The following C10orf67 variants were observed in gnomAD, a reference collection of about 807,000 sequenced individuals.
The protein encoded by C10orf67 is uncharacterized protein C10orf67, mitochondrial.
In C10orf67, 60 loss-of-function variants were observed where a neutral mutation model predicts 35.6. The observed-to-expected ratio is 1.68, with a 90% CI of 1.37 to 2.09. The LOEUF is 2.09. Ranked by LOEUF, C10orf67 falls within the 30% of genes most tolerant of loss-of-function variation. The pLI, the probability that C10orf67 is intolerant of heterozygous loss-of-function variation, is 0.00. For missense variants in C10orf67, 474 were observed against 330.2 expected (o/e 1.44, Z -3.38); for synonymous variants, 167 against 115.8 (o/e 1.44, Z -2.84).
chr10:23,217,617 A>G (rs1465823941), intron 15 of C10orf67, among the ~76,000 whole-genome samples: 1 of 152,198 alleles, frequency 6.6e-6, no homozygotes, highest in Non-Finnish European at 1.5e-5. Context: ...GTCACAGGGT[A>G]GAGAGGCTGC....
At chr10:23,211,637 G>T (rs1281568709) in intron 15 of C10orf67, among the ~76,000 whole-genome samples, 3 of 152,174 alleles carry the variant, frequency 2.0e-5, no homozygotes, top group Non-Finnish European at 4.4e-5. Context: ...GGTACTTGAT[G>T]TATGCTTTGG....
intron 2 of C10orf67, among the ~76,000 whole-genome samples, chr10:23,329,729 G>T (rs945357830): frequency 5.9e-5 from 8 of 135,514 alleles, no homozygotes; most frequent in South Asian, 2.4e-4. Flanking sequence ...GATTCCAGGA[G>T]TTCAAGGTCA....
Position 23,223,645 on chromosome 10 carries a change from T to A in C10orf67, c.1523A>T (p.His508Leu), listed in dbSNP as rs1451452767. The A allele has an allele frequency of 1.4e-6, 1 of 717,634 alleles. No individual in the cohort carries two copies. Among genetic ancestry groups the A allele is most frequent in the Non-Finnish European group, 2.6e-6 (1 of 385,030 alleles). 44.5% of individuals were successfully genotyped at this position (717,634 alleles called of 1,614,324 possible). Residue 508 changes from histidine (H) to leucine (L), a missense_variant, in exon 15 of 16, where the codon CAT becomes CTT. His to Leu is a moderately conservative substitution (Grantham distance 99). Coordinates refer to ENST00000636213, the MANE Select transcript of C10orf67 (RefSeq NM_001371909.1). ...TGCCTGATCACTGACTACATCCACA[T>A]GCTTACCGTCTATCTGTAAGTGAAC... ...SHCTSSIDGK[H>L]VDVVSDQAAL... is the part of the protein sequence containing the mutation.
At chr10:23,208,385 C>T (rs1841214469) in intron 15 of C10orf67, among the ~76,000 whole-genome samples, 1 of 152,142 alleles carries the variant, frequency 6.6e-6, no homozygotes, top group Non-Finnish European at 1.5e-5. Flanking sequence ...ATCTTGGTTT[C>T]TGATTATTCT....
chr10:23,320,827 A>AATAAAT lies in C10orf67; in HGVS notation c.472-18_472-13dup. 1 of 1,532,398 alleles carries AATAAAT rather than the reference A, an allele frequency of 6.5e-7. No homozygotes were observed. Among genetic ancestry groups the AATAAAT allele is most frequent in the Non-Finnish European group, 8.9e-7 (1 of 1,125,598 alleles). 94.9% of individuals were successfully genotyped at this position (1,532,398 alleles called of 1,614,324 possible). A position where few individuals can be genotyped will look rare whatever the true frequency, so the allele number is the denominator to read the frequency against. ...ATCTTATCCTCATTCTGCAAACAAA[A>AATAAAT]ATAAATGCAATAAGCACCATAATGT... is the stretch of plus-strand genomic sequence containing the variant. On this transcript the variant is annotated splice_polypyrimidine_tract_variant and intron_variant, in intron 3 of 15. Coordinates refer to ENST00000636213, the MANE Select transcript of C10orf67 (RefSeq NM_001371909.1).
chr10:23,254,241 C>G (rs533007949), intron 10 of C10orf67, among the ~76,000 whole-genome samples: 2 of 152,280 alleles, frequency 1.3e-5, no homozygotes, highest in East Asian at 3.9e-4. Flanking sequence ...GAGTTTCACT[C>G]TTGTTGCCCA....
intron 13 of C10orf67, among the ~76,000 whole-genome samples, chr10:23,236,456 A>G (rs1359669553): frequency 4.0e-5 from 6 of 151,694 alleles, no homozygotes; most frequent in Admixed American, 2.0e-4. Flanking sequence ...AAAACAAACA[A>G]AAAACAAACA....
chr10:23,292,473 C>CT (rs1843751151), intron 5 of C10orf67, among the ~76,000 whole-genome samples: 1 of 152,080 alleles, frequency 6.6e-6, no homozygotes, highest in African/African-American at 2.4e-5. Flanking sequence ...ATAACTTATT[C>CT]TTTTTACAGT....
At chr10:23,275,909 T>A (rs1303540250) in intron 8 of C10orf67, among the ~76,000 whole-genome samples, 1 of 152,190 alleles carries the variant, frequency 6.6e-6, no homozygotes, top group African/African-American at 2.4e-5. Flanking sequence ...ATGGTTAATT[T>A]TTAAAAGTTT....
chr10:23,217,494 A>G (rs1841462954), intron 15 of C10orf67, among the ~76,000 whole-genome samples: 1 of 152,166 alleles, frequency 6.6e-6, no homozygotes, highest in African/African-American at 2.4e-5. Context: ...CACTAATTAA[A>G]CACTTTCTCA....
intron 2 of C10orf67, 68 bp from the exon 3 acceptor site, chr10:23,322,605 C>T: frequency 9.3e-7 from 1 of 1,079,860 alleles, no homozygotes; most frequent in Non-Finnish European, 1.3e-6. Context: ...TGCATGTTGT[C>T]ACTTGCTAAG....
At chr10:23,289,722 T>C (rs1477921364) in intron 7 of C10orf67, among the ~76,000 whole-genome samples, 178 bp downstream of exon 7, 1 of 152,164 alleles carries the variant, frequency 6.6e-6, no homozygotes, top group Non-Finnish European at 1.5e-5. Flanking sequence ...ATCCGTGAGT[T>C]TTCAAGGTGG....
chr10:23,275,229 A>T (rs1843153177), intron 8 of C10orf67, among the ~76,000 whole-genome samples: 1 of 152,192 alleles, frequency 6.6e-6, no homozygotes, highest in Admixed American at 6.5e-5. Context: ...AGTGGCACGT[A>T]GTCCCAGCTA....
intron 5 of C10orf67, among the ~76,000 whole-genome samples, chr10:23,295,697 C>A (rs566483903): frequency 5.3e-5 from 8 of 152,264 alleles, no homozygotes; most frequent in South Asian, 4.1e-4. Context: ...GGATTAAAAG[C>A]AAACTATTAC....
intron 2 of C10orf67, among the ~76,000 whole-genome samples, chr10:23,328,993 C>CAAAAAAAAAAAAAAAAAAAAAAAAAAAG (rs57772405): frequency 1.3e-5 from 1 of 78,732 alleles, no homozygotes. Context: ...CATAAACGAA[C>CAAAAAAAAAAAAAAAAAAAAAAAAAAAG]AAAAAAAAAA....
intron 10 of C10orf67, among the ~76,000 whole-genome samples, chr10:23,253,957 C>A (rs2132165557): frequency 6.6e-6 from 1 of 152,274 alleles, no homozygotes; most frequent in East Asian, 1.9e-4. Flanking sequence ...GCAACATGGT[C>A]TATTGAATCC....
rs1214385847 is a variant in C10orf67, at chr10:23,239,761, C to T, written c.1402G>A (p.Ala468Thr). 9 of 656,892 alleles carry T rather than the reference C, an allele frequency of 1.4e-5. No homozygotes were observed. The highest frequency in any genetic ancestry group is 3.5e-5 in the African/African-American group (2 of 56,688). The allele number at this position is 656,892 out of a possible 1,614,324, so 40.7% of individuals were successfully genotyped here. Residue 468 changes from alanine to threonine, a missense_variant, in exon 13 of 16, where the codon GCA (alanine) becomes ACA (threonine). Coordinates refer to ENST00000636213, the MANE Select transcript of C10orf67 (RefSeq NM_001371909.1). ...TTGAAGGATGTGTCAGCAAGCACTG[C>T]AAACTGACGAAACAGTGTGTGCCTT... The part of the protein sequence containing the change: ...FTRHTLFRQF[A>T]VLADTSFNYI...
At chr10:23,304,038 T>C (rs748121208) in intron 4 of C10orf67, among the ~76,000 whole-genome samples, 4 of 152,200 alleles carry the variant, frequency 2.6e-5, no homozygotes, top group Non-Finnish European at 4.4e-5. Context: ...AGGAATCACA[T>C]TCACCTGTAC....
intron 1 of C10orf67, chr10:23,343,778 C>T: frequency 6.2e-6 from 2 of 323,852 alleles, no homozygotes; most frequent in Non-Finnish European, 1.3e-5. Flanking sequence ...GACAGTGATC[C>T]CCTCGAAAAA....
Sources: gnomAD v4.1 joint callset for allele counts (sites outside exome capture counted in the v4.1 genomes callset) on GRCh38, gnomAD v4.1.1 for gene constraint, MANE v1.5 for transcripts, NCBI Gene and HGNC (gene_info 2026-07-23, HGNC 2026-07-21) for gene names.